SLC66A2: variants seen among roughly 807,000 people sequenced by gnomAD.
SLC66A2 encodes the protein PQ loop repeat containing 1.
In SLC66A2, 23 loss-of-function variants were observed where a neutral mutation model predicts 25.5. The observed-to-expected ratio is 0.90, with a 90% CI of 0.65 to 1.28. The LOEUF (loss-of-function observed/expected upper bound fraction) is 1.28, where lower values mean the gene tolerates loss of function less well. Among genes scored for constraint, SLC66A2 ranks in the 50% most tolerant of loss-of-function variants. The pLI is 0.00. For synonymous variants in SLC66A2, 193 were observed against 166.5 expected, an observed-to-expected ratio of 1.16 and a Z score of -1.23; for missense variants, 396 against 373.1, an observed-to-expected ratio of 1.06 and a Z score of -0.51.
At chr18:79,939,524 C>T (rs190086956) in intron 3 of SLC66A2, among the ~76,000 whole-genome samples, 165 of 152,214 alleles carry the variant, frequency 1.1e-3, no homozygotes, top group African/African-American at 3.8e-3. Context: ...CTATAAGGAA[C>T]TTAAATTTAC....
intron 2 of SLC66A2, among the ~76,000 whole-genome samples, chr18:79,946,105 G>A (rs2050917256): frequency 6.6e-6 from 1 of 152,190 alleles, no homozygotes; most frequent in Non-Finnish European, 1.5e-5. Context: ...GTGAATCAAG[G>A]TTTGAGCTTC....
At chr18:79,911,822 G>GC (rs1983183826) in intron 5 of SLC66A2, among the ~76,000 whole-genome samples, 1 of 138,068 alleles carries the variant, frequency 7.2e-6, no homozygotes, top group Admixed American at 7.2e-5. Flanking sequence ...GGAGGGGATG[G>GC]AGCAGGAAGG....
rs551527184 is a variant in SLC66A2, at chr18:79,909,617, CCA to C, written c.609-5436_609-5435del. On this transcript the variant is annotated intron_variant, in intron 5 of 5. Transcript: ENST00000397778. ...GTCTCCAACCTTCCCCAGCATCTCA[CCA>C]CAGAGTCCGCAACCTTCCCCACATC... Among the ~76,000 whole-genome samples the C allele has an allele frequency of 4.5e-4, 66 of 147,948 alleles. 1 individual carries two copies. Among genetic ancestry groups the C allele is most frequent in the African/African-American group, 1.4e-3 (57 of 39,792 alleles).
chr18:79,906,951 A>T (rs1760926001), intron 5 of SLC66A2, among the ~76,000 whole-genome samples: 1 of 152,228 alleles, frequency 6.6e-6, no homozygotes, highest in African/African-American at 2.4e-5. Context: ...ACTTTGCCTG[A>T]TATTAATACA....
intron 5 of SLC66A2, among the ~76,000 whole-genome samples, chr18:79,910,011 C>T (rs1438088286): frequency 2.9e-4 from 41 of 143,584 alleles, no homozygotes; most frequent in East Asian, 6.6e-4. Context: ...CAGCCTTCCC[C>T]ACACCCTCAC....
At chr18:79,922,981 A>AC (rs1985446174) in intron 4 of SLC66A2, among the ~76,000 whole-genome samples, 1 of 150,608 alleles carries the variant, frequency 6.6e-6, no homozygotes, top group African/African-American at 2.5e-5. Flanking sequence ...ATCCCCTTGG[A>AC]CCCTAGATCT....
intron 5 of SLC66A2, among the ~76,000 whole-genome samples, chr18:79,908,973 C>T (rs1982535397): frequency 6.6e-6 from 1 of 152,224 alleles, no homozygotes; most frequent in African/African-American, 2.4e-5. Context: ...GATCTGTCAG[C>T]CTGAGTTGGT....
In SLC66A2 at chr18:79,904,223, G is replaced by A. The variant is rs773590993; in HGVS notation, c.609-40C>T. ...GCAGGCGGTCAGCGGTGGGGAGGGCGGCGACCTGGGCTCAGTCAGTGGGGA... is the reference window on the plus strand; with the variant it reads ...GCAGGCGGTCAGCGGTGGGGAGGGCAGCGACCTGGGCTCAGTCAGTGGGGA... On this transcript the variant is annotated intron_variant, in intron 5 of 5. Transcript: ENST00000397778. This position sits in a 1 kb window ranked among gnomAD's most constrained non-coding sequence, Gnocchi z 6.3. The A allele has an allele frequency of 5.7e-5, 89 of 1,573,238 alleles. No individual in the cohort carries two copies. The highest frequency in any genetic ancestry group is 1.3e-4 in the East Asian group (6 of 44,498).
At chr18:79,924,429 A>T (rs1985681265) in intron 4 of SLC66A2, among the ~76,000 whole-genome samples, 1 of 152,160 alleles carries the variant, frequency 6.6e-6, no homozygotes, top group Admixed American at 6.5e-5. Context: ...GGGAAGACGG[A>T]ACTTGGGGAA....
rs748995839 is a variant in SLC66A2, at chr18:79,917,996, G to T, written c.608+1188C>A. 6.6e-6 allele frequency among the ~76,000 whole-genome samples: 1 copy of T among 151,224 alleles called. No homozygotes were observed. Among genetic ancestry groups the T allele is most frequent in the Non-Finnish European group, 1.5e-5 (1 of 67,808 alleles). ...GCCTATGTCCCACACCCACACCTAC[G>T]CCACACACCTGTAACTGCAACCCAC... On this transcript the variant is annotated intron_variant, in intron 5 of 5. Coordinates refer to ENST00000397778, the MANE Select transcript of SLC66A2 (RefSeq NM_025078.5). The surrounding 1 kb of genome is among the most constrained non-coding windows in gnomAD (Gnocchi z 6.0).
At chr18:79,911,155 C>G (rs1233643932) in intron 5 of SLC66A2, among the ~76,000 whole-genome samples, 1 of 152,212 alleles carries the variant, frequency 6.6e-6, no homozygotes, top group African/African-American at 2.4e-5. Flanking sequence ...GGGGTCGGGG[C>G]CACTCCTGAG....
At chr18:79,911,561 C>T (rs1231753524) in intron 5 of SLC66A2, among the ~76,000 whole-genome samples, 3 of 152,244 alleles carry the variant, frequency 2.0e-5, no homozygotes, top group Non-Finnish European at 2.9e-5. Flanking sequence ...GTGCGCTCTG[C>T]AGCATGGCAG....
rs1211069574 is a variant in SLC66A2 at position 79,917,911 on chromosome 18, A to G, written c.608+1273T>C. On this transcript the variant is annotated intron_variant, in intron 5 of 5. Transcript: ENST00000397778. The surrounding 1 kb of genome is among the most constrained non-coding windows in gnomAD (Gnocchi z 6.0). ...TGACCCATGCCCCACACCTCTACCT[A>G]CAGCCCACACCGGAACTCCATACCC... is the stretch of plus-strand genomic sequence containing the variant. 6.6e-6 allele frequency among the ~76,000 whole-genome samples: 1 copy of G among 150,698 alleles called. No homozygotes were observed. The highest frequency in any genetic ancestry group is 1.5e-5 in the Non-Finnish European group (1 of 67,662).
rs1446299698 is a variant in SLC66A2 at position 79,943,438 on chromosome 18, C to T, written c.228G>A (p.Pro76=). Residue 76 remains proline, a synonymous_variant, in exon 3 of 6, where the codon CCG becomes CCA. Coordinates refer to ENST00000397778, the MANE Select transcript of SLC66A2 (RefSeq NM_025078.5). ...LFWFGRRFES[P]LLWQSAIMIL... is the part of the protein sequence containing the mutation. ...TCATGATGGCGCTCTGCCACAGCAG[C>T]GGGGACTCAAAGCGCCTTCCAAACC... 4 of 1,613,956 alleles carry T rather than the reference C, an allele frequency of 2.5e-6. No individual in the cohort carries two copies. The highest frequency in any genetic ancestry group is 1.7e-5 in the Admixed American group (1 of 59,998).
At chr18:79,913,274 A>G (rs1342048467) in intron 5 of SLC66A2, among the ~76,000 whole-genome samples, 2 of 152,066 alleles carry the variant, frequency 1.3e-5, no homozygotes. Context: ...TGTATTCCGC[A>G]TTTCAGGCTC....
At chr18:79,934,738 T>C (rs546447118) in intron 3 of SLC66A2, among the ~76,000 whole-genome samples, 60 of 152,292 alleles carry the variant, frequency 3.9e-4, no homozygotes, top group African/African-American at 1.3e-3. Flanking sequence ...TTGAAGACAG[T>C]TGATAAACAA....
At position 79,950,738 on chromosome 18, in the gene SLC66A2, CA is replaced by C; in HGVS notation, c.188del (p.Leu63CysfsTer22). 2 of 1,613,182 alleles carry C rather than the reference CA, an allele frequency of 1.2e-6. No individual in the cohort carries two copies. Among genetic ancestry groups the C allele is most frequent in the Non-Finnish European group, 1.7e-6 (2 of 1,179,952 alleles). ...VCLVLLVANI[L>X]RILFWFGRRF... ...CCCCAACTTACCAGAAGAGTATCCG[CA>C]AAATGTTGGCCACCAGCAGCACCAG... is the stretch of plus-strand genomic sequence containing the variant. On this transcript the variant is annotated frameshift_variant, in exon 2 of 6. Transcript: ENST00000397778. LOFTEE classifies it high-confidence loss of function.
chr18:79,918,765 G>A lies in SLC66A2; in HGVS notation c.608+419C>T, dbSNP rs1218400360. On this transcript the variant is annotated intron_variant, in intron 5 of 5. Coordinates refer to ENST00000397778, the MANE Select transcript of SLC66A2 (RefSeq NM_025078.5). This position sits in a 1 kb window ranked among gnomAD's most constrained non-coding sequence, Gnocchi z 4.0. ...ACCTCAGAGGCCGGAGGCCGTGCTGGGGCCAGTGGGGAAAGACCGAGGACA... is the reference window on the plus strand; with the variant it reads ...ACCTCAGAGGCCGGAGGCCGTGCTGAGGCCAGTGGGGAAAGACCGAGGACA... 6.6e-6 allele frequency among the ~76,000 whole-genome samples: 1 copy of A among 152,222 alleles called. No homozygotes were observed. Among genetic ancestry groups the A allele is most frequent in the Non-Finnish European group, 1.5e-5 (1 of 68,030 alleles).
Position 79,924,400 on chromosome 18 carries a change from G to A in SLC66A2, c.392-5000C>T, listed in dbSNP as rs150506822. On this transcript the variant is annotated intron_variant, in intron 4 of 5. Coordinates refer to ENST00000397778, the MANE Select transcript of SLC66A2 (RefSeq NM_025078.5). ...ACAGGCGAGCGCACAGACAGCAGAC[G>A]AGCCGCCGTCGGGGCTGGGGGAAGA... 1.2e-3 allele frequency among the ~76,000 whole-genome samples: 177 copies of A among 152,314 alleles called. 1 individual carries two copies. The highest frequency in any genetic ancestry group is 3.3e-3 in the African/African-American group (138 of 41,564).
Sources: allele counts gnomAD v4.1 joint callset (sites outside exome capture counted in the v4.1 genomes callset), GRCh38; gene constraint gnomAD v4.1.1; non-coding constraint Gnocchi (gnomAD v3.1); transcripts MANE v1.5; gene names NCBI Gene and HGNC (gene_info 2026-07-23, HGNC 2026-07-21).